The following ARHGAP22 variants were observed in gnomAD, a reference collection of about 807,000 sequenced individuals.
ARHGAP22 encodes rho GTPase-activating protein 22.
In ARHGAP22, 48 loss-of-function variants were observed where a neutral mutation model predicts 59.1. The observed-to-expected ratio is 0.81, with a 90% CI of 0.64 to 1.03. The LOEUF (loss-of-function observed/expected upper bound fraction) is 1.03, where lower values mean the gene tolerates loss of function less well. ARHGAP22 is among the 50% of genes least tolerant of loss of function. The pLI is 0.00. For missense variants in ARHGAP22, 1,015 were observed against 958.7 expected (o/e 1.06, Z -0.78); for synonymous variants, 445 against 416.4 (o/e 1.07, Z -0.84).
At chr10:48,448,485 C>T (rs1051766272) in intron 9 of ARHGAP22, among the ~76,000 whole-genome samples, 1 of 152,218 alleles carries the variant, frequency 6.6e-6, no homozygotes, top group Non-Finnish European at 1.5e-5. Context: ...TGGTACTTCA[C>T]AGAAAACAGG....
At chr10:48,594,156 T>G (rs182799858) in intron 1 of ARHGAP22, among the ~76,000 whole-genome samples, 1 of 152,178 alleles carries the variant, frequency 6.6e-6, no homozygotes, top group African/African-American at 2.4e-5. Context: ...AGCAAGAAGG[T>G]CAGAGCCTCT....
At chr10:48,583,665 G>A (rs2059252581) in intron 1 of ARHGAP22, among the ~76,000 whole-genome samples, 2 of 152,178 alleles carry the variant, frequency 1.3e-5, no homozygotes, top group African/African-American at 4.8e-5. Context: ...AGTCTAGCAG[G>A]GTTCCTGTTG....
intron 3 of ARHGAP22, among the ~76,000 whole-genome samples, chr10:48,525,810 G>T (rs185223809): frequency 1.2e-4 from 19 of 152,338 alleles, no homozygotes; most frequent in Non-Finnish European, 2.4e-4. Flanking sequence ...ACCAAGAGTG[G>T]TTCCCTTTGG....
chr10:48,524,146 C>T, intron 3 of ARHGAP22: 2 of 1,239,804 alleles, frequency 1.6e-6, no homozygotes, highest in Non-Finnish European at 2.0e-6. Context: ...CTCTCCCCGC[C>T]TGCCGCCTGC....
chr10:48,559,562 A>G (rs1413889546), intron 2 of ARHGAP22, among the ~76,000 whole-genome samples: 2 of 152,206 alleles, frequency 1.3e-5, no homozygotes, highest in Non-Finnish European at 2.9e-5. Flanking sequence ...TGTTTCATCA[A>G]AAGTGTATGA....
At chr10:48,500,980 G>A (rs908198218) in intron 3 of ARHGAP22, among the ~76,000 whole-genome samples, 7 of 151,726 alleles carry the variant, frequency 4.6e-5, no homozygotes, top group Non-Finnish European at 7.4e-5. Context: ...TAAAATTTTG[G>A]AGAAGGCCTA....
intron 3 of ARHGAP22, among the ~76,000 whole-genome samples, chr10:48,521,833 T>A (rs993614786): frequency 1.1e-4 from 16 of 152,158 alleles, no homozygotes; most frequent in Admixed American, 9.8e-4. Flanking sequence ...TAGGGAAAGG[T>A]GTGGAGACCA....
In ARHGAP22 at chr10:48,573,152, T is replaced by C. The variant is rs553381751; in HGVS notation, c.234+9801A>G. ...GAGGCGAGGTTGGAGCCATGTCGCC[T>C]GCCCCTAGACTCCACTGTTTGATTG... On this transcript the variant is annotated intron_variant, in intron 2 of 9. Transcript: ENST00000249601. 5.8e-4 allele frequency among the ~76,000 whole-genome samples: 88 copies of C among 152,368 alleles called. 1 individual carries two copies. The highest frequency in any genetic ancestry group is 1.8e-3 in the African/African-American group (75 of 41,592).
chr10:48,647,014 C>T (rs2062331456), intron 1 of ARHGAP22, among the ~76,000 whole-genome samples: 1 of 152,164 alleles, frequency 6.6e-6, no homozygotes, highest in Non-Finnish European at 1.5e-5. Flanking sequence ...GTATCTAGAA[C>T]ATGTAAACAT....
intron 1 of ARHGAP22, among the ~76,000 whole-genome samples, chr10:48,583,494 C>T (rs1463341580): frequency 5.9e-5 from 9 of 152,352 alleles, no homozygotes; most frequent in South Asian, 2.1e-4. Context: ...TGTTCATCCA[C>T]GGATTCATCC....
At chr10:48,642,025 T>G (rs1198492033) in intron 1 of ARHGAP22, among the ~76,000 whole-genome samples, 1 of 152,142 alleles carries the variant, frequency 6.6e-6, no homozygotes. Context: ...GAATCCAGCT[T>G]ACAAGGGATG....
intron 1 of ARHGAP22, among the ~76,000 whole-genome samples, chr10:48,637,777 A>C (rs1050125972): frequency 6.6e-6 from 1 of 152,136 alleles, no homozygotes; most frequent in African/African-American, 2.4e-5. Context: ...AGGGTCAGTA[A>C]GAAAAGGCAC....
intron 1 of ARHGAP22, among the ~76,000 whole-genome samples, chr10:48,610,595 T>G (rs2060844710): frequency 6.6e-6 from 1 of 152,204 alleles, no homozygotes; most frequent in Non-Finnish European, 1.5e-5. Flanking sequence ...GAGTGGTGCC[T>G]CAGCTGGGTT....
At chr10:48,489,506 T>C (rs2050159586) in intron 3 of ARHGAP22, among the ~76,000 whole-genome samples, 1 of 152,230 alleles carries the variant, frequency 6.6e-6, no homozygotes, top group Non-Finnish European at 1.5e-5. Context: ...TCTACAGTGT[T>C]CCATGGTTTA....
At chr10:48,446,714 G>A (rs909473895) in intron 9 of ARHGAP22, 95 bp from the exon 10 acceptor site, 9 of 1,255,138 alleles carry the variant, frequency 7.2e-6, no homozygotes, top group Non-Finnish European at 1.0e-5. Context: ...GGGTTGAGGG[G>A]TCAGGCCAAG....
chr10:48,642,380 C>T (rs184773436), intron 1 of ARHGAP22, among the ~76,000 whole-genome samples: 2,379 of 152,174 alleles, frequency 0.016, 49 homozygotes, highest in African/African-American at 0.048. Flanking sequence ...GTACTGGTAC[C>T]GAAACAGAGA....
intron 8 of ARHGAP22, among the ~76,000 whole-genome samples, 176 bp downstream of exon 8, chr10:48,453,128 C>T (rs972110240): frequency 2.6e-5 from 4 of 152,082 alleles, no homozygotes; most frequent in African/African-American, 4.8e-5. Flanking sequence ...TCATGGGGGT[C>T]GGGGGTGAGG....
intron 2 of ARHGAP22, among the ~76,000 whole-genome samples, chr10:48,560,922 T>C (rs1046561254): frequency 3.3e-5 from 5 of 152,186 alleles, no homozygotes; most frequent in Admixed American, 3.3e-4. Flanking sequence ...GAAAATTTTT[T>C]CAACTAAGTT....
intron 2 of ARHGAP22, chr10:48,582,581 T>C: frequency 3.5e-6 from 1 of 284,976 alleles, no homozygotes; most frequent in Non-Finnish European, 6.7e-6. Context: ...AGTTTGAGGC[T>C]AGATGTGTCT....
Sources: gnomAD v4.1 joint callset for allele counts (sites outside exome capture counted in the v4.1 genomes callset) on GRCh38, gnomAD v4.1.1 for gene constraint, MANE v1.5 for transcripts, NCBI Gene and HGNC (gene_info 2026-07-23, HGNC 2026-07-21) for gene names.